Variants in VDAC1 observed in about 807,000 individuals in gnomAD.
VDAC1 encodes the protein voltage dependent anion channel 1.
In VDAC1, 10 loss-of-function variants were observed where a neutral mutation model predicts 34.7. The ratio of observed to expected loss-of-function variants is 0.29; its 90% confidence interval spans 0.18 to 0.49. The LOEUF (loss-of-function observed/expected upper bound fraction) is 0.49. Ranked by LOEUF, VDAC1 falls within the 20% of genes least tolerant of loss-of-function variation. The pLI is 0.99. For missense variants in VDAC1, 230 were observed against 347.9 expected, an observed-to-expected ratio of 0.66 and a Z score of 2.69; for synonymous variants, 130 against 136.0, an observed-to-expected ratio of 0.96 and a Z score of 0.30.
the VDAC1 span, among the ~76,000 whole-genome samples, chr5:134,065,682 T>C: frequency 6.6e-6 from 1 of 152,120 alleles, no homozygotes; most frequent in East Asian, 1.9e-4. Context: ...TAAGATGAGA[T>C]AATATAGTCA....
chr5:134,089,815 C>A, the VDAC1 span, among the ~76,000 whole-genome samples: 2 of 152,076 alleles, frequency 1.3e-5, 1 homozygote, highest in African/African-American at 4.8e-5. Context: ...CATGGTGAAA[C>A]CCCGTCTCTA....
the VDAC1 span, among the ~76,000 whole-genome samples, chr5:134,018,382 A>T: frequency 6.6e-6 from 1 of 152,060 alleles, no homozygotes; most frequent in Admixed American, 6.6e-5. Context: ...CATGACTAAA[A>T]CACCTCCCAC....
At chr5:134,032,771 C>A in the VDAC1 span, among the ~76,000 whole-genome samples, 1 of 152,180 alleles carries the variant, frequency 6.6e-6, no homozygotes, top group South Asian at 2.1e-4. Context: ...GTGGATCACA[C>A]CTGTAATCTC....
the VDAC1 span, among the ~76,000 whole-genome samples, chr5:134,102,896 C>G: frequency 6.6e-6 from 1 of 152,014 alleles, no homozygotes; most frequent in Non-Finnish European, 1.5e-5. Context: ...CTGAGTCTCC[C>G]TGAGTTCTCA....
chr5:134,013,223 C>G, the VDAC1 span, among the ~76,000 whole-genome samples: 2 of 152,082 alleles, frequency 1.3e-5, no homozygotes, highest in Admixed American at 6.6e-5. Flanking sequence ...AAAGCAGTTA[C>G]AGCAAAACAA....
intron 5 of VDAC1, chr5:133,988,985 C>T (rs142624096): frequency 2.0e-5 from 3 of 152,358 alleles, no homozygotes; most frequent in East Asian, 1.9e-4. Flanking sequence ...TCCAGATAAC[C>T]GCTCCCTGAT....
upstream of VDAC1, among the ~76,000 whole-genome samples, chr5:134,009,747 T>C (rs984177043): frequency 5.9e-5 from 9 of 152,226 alleles, no homozygotes; most frequent in African/African-American, 1.9e-4. Flanking sequence ...AGTGGCACCA[T>C]CTCGGGTCAC....
At chr5:133,972,917 A>T in intron 8 of VDAC1, 55 bp from the exon 9 acceptor site, 1 of 1,466,722 alleles carries the variant, frequency 6.8e-7, no homozygotes, top group South Asian at 1.2e-5. Flanking sequence ...GAAAGAAATG[A>T]CAAGAAAGAT....
At chr5:134,038,932 G>A in the VDAC1 span, among the ~76,000 whole-genome samples, 3 of 149,364 alleles carry the variant, frequency 2.0e-5, no homozygotes, top group Non-Finnish European at 4.4e-5. Context: ...ACACAAAATG[G>A]GCCCATAGAG....
chr5:134,055,707 C>T, the VDAC1 span, among the ~76,000 whole-genome samples: 15 of 145,602 alleles, frequency 1.0e-4, no homozygotes, highest in African/African-American at 3.6e-4. Context: ...GGATTACAGG[C>T]GTGAGCCACC....
chr5:134,092,644 C>G, the VDAC1 span, among the ~76,000 whole-genome samples: 3 of 150,750 alleles, frequency 2.0e-5, no homozygotes, highest in African/African-American at 7.4e-5. Context: ...CCACTGCACT[C>G]CAGCCCAGGC....
the VDAC1 span, among the ~76,000 whole-genome samples, chr5:134,066,638 A>T: frequency 0.029 from 4,462 of 152,292 alleles, 70 homozygotes; most frequent in Middle Eastern, 0.037. Context: ...CTTCTCCACA[A>T]AATTATCGGG....
chr5:134,028,986 T>C, the VDAC1 span, among the ~76,000 whole-genome samples: 1 of 152,334 alleles, frequency 6.6e-6, no homozygotes, highest in East Asian at 1.9e-4. Flanking sequence ...CAAGCAGCCC[T>C]GGAAGAGGCC....
At chr5:134,046,075 G>T in the VDAC1 span, among the ~76,000 whole-genome samples, 1 of 150,614 alleles carries the variant, frequency 6.6e-6, no homozygotes, top group Non-Finnish European at 1.5e-5. Context: ...ACCCAAGCTG[G>T]AGTGCAGTGG....
intron 5 of VDAC1, among the ~76,000 whole-genome samples, chr5:133,982,240 G>A (rs770948128): frequency 1.3e-5 from 2 of 152,196 alleles, no homozygotes; most frequent in Non-Finnish European, 2.9e-5. Context: ...GGGGCCAGGC[G>A]CAGTGGCTCA....
At chr5:134,087,177 G>T in the VDAC1 span, among the ~76,000 whole-genome samples, 1 of 152,162 alleles carries the variant, frequency 6.6e-6, no homozygotes, top group Admixed American at 6.5e-5. Context: ...CCTTGTGGTT[G>T]TGGGTGCCGT....
At chr5:134,012,709 A>G in the VDAC1 span, among the ~76,000 whole-genome samples, 1 of 152,170 alleles carries the variant, frequency 6.6e-6, no homozygotes, top group African/African-American at 2.4e-5. Context: ...CAAACTAACA[A>G]CATCATTTTT....
intron 1 of VDAC1, among the ~76,000 whole-genome samples, chr5:133,997,552 TA>T (rs1193150762): frequency 0.021 from 2,869 of 136,732 alleles, 79 homozygotes; most frequent in African/African-American, 0.07. Flanking sequence ...AAAAAAAAAA[TA>T]AAAAAAAAAA....
chr5:134,032,124 C>CAAAAAAAAA, the VDAC1 span, among the ~76,000 whole-genome samples: 565 of 36,106 alleles, frequency 0.016, 94 homozygotes, highest in African/African-American at 0.059. Flanking sequence ...CTCTGCCTCA[C>CAAAAAAAAA]AAAAAAAAAA....
Sources: gnomAD v4.1 joint callset for allele counts (sites outside exome capture counted in the v4.1 genomes callset) on GRCh38, gnomAD v4.1.1 for gene constraint, MANE v1.5 for transcripts, NCBI Gene and HGNC (gene_info 2026-07-23, HGNC 2026-07-21) for gene names.